The following ATP8A1 variants were observed in gnomAD, a reference collection of about 807,000 sequenced individuals.
The protein encoded by ATP8A1 is phospholipid-transporting ATPase IA.
A neutral mutation model predicts 177.7 loss-of-function variants in ATP8A1; 90 were observed. The ratio of observed to expected loss-of-function variants is 0.51; its 90% CI spans 0.43 to 0.60. The LOEUF (loss-of-function observed/expected upper bound fraction) is 0.60, where lower values mean the gene tolerates loss of function less well. Among genes scored for constraint, ATP8A1 ranks in the 20% least tolerant of loss-of-function variants. The pLI is 0.00. For missense variants in ATP8A1, 1,072 were observed against 1,392.8 expected, an observed-to-expected ratio of 0.77 and a Z score of 3.67; for synonymous variants, 493 against 485.9, an observed-to-expected ratio of 1.01 and a Z score of -0.19.
intron 22 of ATP8A1, among the ~76,000 whole-genome samples, chr4:42,517,410 G>A (rs1725672405): frequency 1.3e-5 from 2 of 152,218 alleles, no homozygotes; most frequent in South Asian, 4.1e-4. Context: ...GAACGAGGGT[G>A]AGATAAAACA....
chr4:42,642,169 G>C (rs186436008), intron 1 of ATP8A1, among the ~76,000 whole-genome samples: 1 of 152,182 alleles, frequency 6.6e-6, no homozygotes, highest in Admixed American at 6.5e-5. Context: ...TAAGGAAAGT[G>C]TGACACTCTC....
intron 1 of ATP8A1, among the ~76,000 whole-genome samples, chr4:42,647,167 G>T (rs1052794509): frequency 6.6e-6 from 1 of 152,166 alleles, no homozygotes; most frequent in Non-Finnish European, 1.5e-5. Context: ...TTATACACAC[G>T]TGACTGCCTT....
intron 16 of ATP8A1, among the ~76,000 whole-genome samples, chr4:42,555,704 T>A (rs563042897): frequency 6.6e-6 from 1 of 152,064 alleles, no homozygotes; most frequent in African/African-American, 2.4e-5. Context: ...GTGCCTGTAA[T>A]CCCAGCTACT....
At chr4:42,582,332 A>G (rs1372584860) in intron 9 of ATP8A1, among the ~76,000 whole-genome samples, 3 of 152,164 alleles carry the variant, frequency 2.0e-5, no homozygotes, top group Non-Finnish European at 4.4e-5. Context: ...CATTAACCAA[A>G]ATAATAGGTA....
intron 4 of ATP8A1, among the ~76,000 whole-genome samples, chr4:42,621,101 C>T (rs1737420543): frequency 6.6e-6 from 1 of 152,216 alleles, no homozygotes; most frequent in Admixed American, 6.5e-5. Context: ...ACTGCCAAGT[C>T]CTACCACAAT....
rs577121767 is a variant in ATP8A1 at position 42,558,102 on chromosome 4, A to G, written c.1341-2062T>C. Among the ~76,000 whole-genome samples, 5 of 152,278 alleles carry G rather than the reference A, an allele frequency of 3.3e-5. No individual in the cohort carries two copies. In the South Asian group the frequency reaches 1.0e-3, roughly 32 times the overall value. On this transcript the variant is annotated intron_variant, in intron 15 of 36. Coordinates refer to ENST00000381668, the MANE Select transcript of ATP8A1 (RefSeq NM_006095.2). The stretch of plus-strand genomic sequence containing the variant: ...AAAAACTAGAAACAACTCATCCTCT[A>G]ATCAGACAGCCTGGGTTGGATAACT...
At chr4:42,530,115 T>C (rs184152061) in intron 20 of ATP8A1, among the ~76,000 whole-genome samples, 4 of 152,280 alleles carry the variant, frequency 2.6e-5, no homozygotes, top group South Asian at 4.1e-4. Context: ...ACTCAGCCTC[T>C]TTCCCCAGCC....
chr4:42,468,470 T>A (rs28733041), intron 25 of ATP8A1, among the ~76,000 whole-genome samples: 5 of 150,788 alleles, frequency 3.3e-5, no homozygotes, highest in Admixed American at 2.0e-4. Context: ...CACATACACA[T>A]ATATGAATGA....
rs76599396 is a variant in ATP8A1, at chr4:42,549,366, G to A, written c.1603-304C>T. Among the ~76,000 whole-genome samples the A allele has an allele frequency of 8.0e-3, 1,221 of 152,248 alleles. 15 individuals are homozygous for A. The highest frequency in any genetic ancestry group is 0.025 in the African/African-American group (1,030 of 41,542). On this transcript the variant is annotated intron_variant, in intron 18 of 36. Coordinates refer to ENST00000381668, the MANE Select transcript of ATP8A1 (RefSeq NM_006095.2). ...ATGTCGTAAGGAAAGAACTGCCAAT[G>A]AACAGATTATGTGGTGTGACTGTAT... is the stretch of plus-strand genomic sequence containing the variant.
intron 1 of ATP8A1, among the ~76,000 whole-genome samples, chr4:42,647,129 T>C (rs1402159812): frequency 2.7e-5 from 4 of 150,810 alleles, no homozygotes; most frequent in African/African-American, 9.7e-5. Flanking sequence ...GGCAGTATTA[T>C]CTAAGCACCC....
chr4:42,555,217 C>G (rs867362422), intron 16 of ATP8A1, among the ~76,000 whole-genome samples: 11 of 125,546 alleles, frequency 8.8e-5, no homozygotes, highest in African/African-American at 1.4e-4. Context: ...TCTGCCCCCC[C>G]CTAGAGAACC....
intron 1 of ATP8A1, among the ~76,000 whole-genome samples, chr4:42,642,344 C>T (rs142322316): frequency 1.3e-5 from 2 of 152,292 alleles, no homozygotes; most frequent in African/African-American, 4.8e-5. Flanking sequence ...GGCTCATCTA[C>T]CACAAGCACT....
At chr4:42,642,423 T>C (rs1577766761) in intron 1 of ATP8A1, among the ~76,000 whole-genome samples, 1 of 152,202 alleles carries the variant, frequency 6.6e-6, no homozygotes, top group African/African-American at 2.4e-5. Flanking sequence ...AGAATCATTT[T>C]CACAAAACAA....
chr4:42,418,764 C>T (rs940715275), intron 35 of ATP8A1, among the ~76,000 whole-genome samples: 1 of 152,100 alleles, frequency 6.6e-6, no homozygotes, highest in Non-Finnish European at 1.5e-5. Flanking sequence ...TATTTTTCCC[C>T]TAAAATGTAA....
At chr4:42,568,853 G>A (rs1430371658) in intron 15 of ATP8A1, among the ~76,000 whole-genome samples, 1 of 152,106 alleles carries the variant, frequency 6.6e-6, no homozygotes, top group African/African-American at 2.4e-5. Context: ...GGCTTCAGGA[G>A]CTGTAGCTGA....
chr4:42,410,750 C>T lies in ATP8A1; in HGVS notation c.*2166G>A, dbSNP rs528473938. On this transcript the variant is annotated 3_prime_UTR_variant, in exon 37 of 37. Transcript: ENST00000381668. The stretch of plus-strand genomic sequence containing the variant: ...TTAAGAGCTCCACAGAAACAATCCA[C>T]GTTTCAAGATTAAAATAAAACTTAC... 6.6e-6 allele frequency: 1 copy of T among 152,258 alleles called. No homozygotes were observed. The highest frequency in any genetic ancestry group is 2.1e-4 in the South Asian group (1 of 4,822). 9.4% of individuals were successfully genotyped at this position (152,258 alleles called of 1,614,324 possible). A position where few individuals can be genotyped will look rare whatever the true frequency, so the allele number is the denominator to read the frequency against.
intron 15 of ATP8A1, 119 bp downstream of exon 15, chr4:42,569,042 A>C (rs1731638098): frequency 2.5e-6 from 1 of 396,066 alleles, no homozygotes; most frequent in African/African-American, 2.1e-5. Flanking sequence ...CTAACTGCTC[A>C]GCAATATTTT....
intron 14 of ATP8A1, among the ~76,000 whole-genome samples, chr4:42,574,356 C>T (rs1379586719): frequency 1.3e-5 from 2 of 152,068 alleles, no homozygotes; most frequent in African/African-American, 4.8e-5. Context: ...TCCTTATTAC[C>T]AGGGCAAGAG....
chr4:42,488,782 C>G (rs1722458448), intron 24 of ATP8A1, among the ~76,000 whole-genome samples: 1 of 152,158 alleles, frequency 6.6e-6, no homozygotes, highest in East Asian at 1.9e-4. Flanking sequence ...CCAAGCTTAC[C>G]CTGTAAGCCC....
Sources: allele counts gnomAD v4.1 joint callset (sites outside exome capture counted in the v4.1 genomes callset), GRCh38; gene constraint gnomAD v4.1.1; transcripts MANE v1.5; gene names NCBI Gene and HGNC (gene_info 2026-07-23, HGNC 2026-07-21).